ATP2C1: variants seen among roughly 807,000 people sequenced by gnomAD.
The protein encoded by ATP2C1 is calcium-transporting ATPase type 2C member 1.
A neutral mutation model predicts 120.5 loss-of-function variants in ATP2C1; 31 were observed. The ratio of observed to expected loss-of-function variants is 0.26; its 90% confidence interval spans 0.19 to 0.35. The LOEUF is 0.35. Among genes scored for constraint, ATP2C1 ranks in the 10% least tolerant of loss-of-function variants. The pLI is 1.00. For missense variants in ATP2C1, 731 were observed against 1,107.5 expected, an observed-to-expected ratio of 0.66 and a Z score of 4.83; for synonymous variants, 351 against 358.7, an observed-to-expected ratio of 0.98 and a Z score of 0.24.
intron 26 of ATP2C1, among the ~76,000 whole-genome samples, chr3:131,015,753 A>C (rs1047859219): frequency 1.8e-4 from 27 of 152,304 alleles, no homozygotes; most frequent in African/African-American, 6.3e-4. Context: ...GACTAGAGTG[A>C]ATGAGGGTAG....
intron 4 of ATP2C1, among the ~76,000 whole-genome samples, chr3:130,933,017 T>TTA (rs1469805454): frequency 6.6e-6 from 1 of 152,202 alleles, no homozygotes; most frequent in African/African-American, 2.4e-5. Flanking sequence ...ATTTTCATAC[T>TTA]TACCACATTC....
At chr3:130,987,453 C>T (rs921547119) in intron 20 of ATP2C1, among the ~76,000 whole-genome samples, 4 of 152,146 alleles carry the variant, frequency 2.6e-5, no homozygotes, top group Admixed American at 2.6e-4. Flanking sequence ...GACTCAGTCT[C>T]CTGAGTAGCT....
chr3:130,867,685 A>G (rs1314540853), intron 1 of ATP2C1, among the ~76,000 whole-genome samples: 3,502 of 150,498 alleles, frequency 0.023, 132 homozygotes, highest in African/African-American at 0.081. Flanking sequence ...CAAAGAGCCG[A>G]GATTGCAGCC....
chr3:130,929,670 C>G (rs191875673), intron 2 of ATP2C1, among the ~76,000 whole-genome samples: 3 of 152,290 alleles, frequency 2.0e-5, no homozygotes, highest in Admixed American at 2.0e-4. Flanking sequence ...TGTAAAGAAT[C>G]TCAGCTTAGG....
intron 1 of ATP2C1, among the ~76,000 whole-genome samples, chr3:130,879,857 C>T (rs959005114): frequency 6.6e-6 from 1 of 152,118 alleles, no homozygotes; most frequent in Admixed American, 6.5e-5. Flanking sequence ...TTGCAGTTGT[C>T]TGTGGGAAAG....
At chr3:130,945,561 C>G (rs1021077100) in intron 8 of ATP2C1, among the ~76,000 whole-genome samples, 1 of 144,480 alleles carries the variant, frequency 6.9e-6, no homozygotes, top group Non-Finnish European at 1.5e-5. Flanking sequence ...TTTCCAACCC[C>G]GTGTCCAAGT....
intron 6 of ATP2C1, among the ~76,000 whole-genome samples, chr3:130,940,126 C>T (rs2059830397): frequency 6.6e-6 from 1 of 152,224 alleles, no homozygotes; most frequent in Admixed American, 6.5e-5. Context: ...GGAACTGGGT[C>T]TGTCAGTATA....
At chr3:130,874,687 A>T (rs943505675) in intron 1 of ATP2C1, among the ~76,000 whole-genome samples, 1 of 152,194 alleles carries the variant, frequency 6.6e-6, no homozygotes, top group Non-Finnish European at 1.5e-5. Context: ...GTATTAAAGG[A>T]CTTGGCTTCT....
chr3:130,889,437 T>C (rs146167774), upstream of ATP2C1, among the ~76,000 whole-genome samples: 138 of 152,278 alleles, frequency 9.1e-4, 1 homozygote, highest in African/African-American at 3.2e-3. Context: ...CTCAAATGCA[T>C]GGAAACAAGC....
At chr3:130,887,423 T>TCC (rs1178077070) in intron 1 of ATP2C1, among the ~76,000 whole-genome samples, 13 of 152,184 alleles carry the variant, frequency 8.5e-5, no homozygotes, top group Non-Finnish European at 4.4e-5. Flanking sequence ...GGCAGTGAGT[T>TCC]CCCCACAGCC....
upstream of ATP2C1, among the ~76,000 whole-genome samples, chr3:130,890,098 G>C (rs1014148719): frequency 3.9e-5 from 6 of 152,072 alleles, no homozygotes; most frequent in African/African-American, 1.4e-4. Flanking sequence ...TTATTTAATA[G>C]GTCTTTATTA....
chr3:130,999,683 A>T (rs772377124), intron 27 of ATP2C1, 24 bp downstream of exon 27: 51 of 1,590,040 alleles, frequency 3.2e-5, no homozygotes, highest in Non-Finnish European at 2.6e-6. Context: ...TATCTTTATC[A>T]TTTATGTATT....
At chr3:130,885,072 T>C (rs2068927294) in intron 1 of ATP2C1, among the ~76,000 whole-genome samples, 1 of 152,022 alleles carries the variant, frequency 6.6e-6, no homozygotes, top group African/African-American at 2.4e-5. Context: ...TAGCTGGGAT[T>C]ACAGGCACCT....
intron 11 of ATP2C1, among the ~76,000 whole-genome samples, chr3:130,958,309 A>G (rs1343605072): frequency 6.6e-6 from 1 of 152,096 alleles, no homozygotes; most frequent in Non-Finnish European, 1.5e-5. Flanking sequence ...TTACTTTGCC[A>G]TTAGCATGAA....
intron 1 of ATP2C1, chr3:130,854,200 A>G (rs1439929073): frequency 6.6e-6 from 1 of 152,214 alleles, no homozygotes; most frequent in Non-Finnish European, 1.5e-5. Flanking sequence ...TCTTGCAGCA[A>G]GTGTTTCACA....
chr3:130,900,502 T>C (rs1559897354), intron 2 of ATP2C1, among the ~76,000 whole-genome samples: 1 of 152,198 alleles, frequency 6.6e-6, no homozygotes, highest in Non-Finnish European at 1.5e-5. Flanking sequence ...ATAAATATAT[T>C]TGCCATCAGC....
chr3:130,895,688 G>C (rs1432663177), intron 2 of ATP2C1, among the ~76,000 whole-genome samples: 2 of 152,198 alleles, frequency 1.3e-5, no homozygotes, highest in Non-Finnish European at 2.9e-5. Context: ...TAAAGGAGCT[G>C]CAGTCTTGCT....
intron 2 of ATP2C1, among the ~76,000 whole-genome samples, chr3:130,915,738 TGGAGTGTGCA>T (rs2058660296): frequency 6.6e-6 from 1 of 152,288 alleles, no homozygotes; most frequent in Non-Finnish European, 1.5e-5. Context: ...GTGTAGGGTA[TGGAGTGTGCA>T]GGCTGGACCT....
intron 5 of ATP2C1, among the ~76,000 whole-genome samples, chr3:130,935,457 C>T (rs1362376073): frequency 6.6e-6 from 1 of 152,112 alleles, no homozygotes; most frequent in East Asian, 1.9e-4. Flanking sequence ...CCTTCTTGCT[C>T]CATTTCATTT....
Sources: allele counts gnomAD v4.1 joint callset (sites outside exome capture counted in the v4.1 genomes callset), GRCh38; gene constraint gnomAD v4.1.1; transcripts MANE v1.5; gene names NCBI Gene and HGNC (gene_info 2026-07-23, HGNC 2026-07-21).